GLUL: variants seen among roughly 807,000 people sequenced by gnomAD.
GLUL encodes the protein glutamine synthetase.
In GLUL, 8 loss-of-function variants were observed where a neutral mutation model predicts 36.9. That is an observed-to-expected ratio of 0.22 (90% CI 0.13 to 0.39). The LOEUF (loss-of-function observed/expected upper bound fraction) is 0.39, where lower values mean the gene tolerates loss of function less well. Among genes scored for constraint, GLUL ranks in the 10% least tolerant of loss-of-function variants. GLUL has a pLI of 1.00. For missense variants in GLUL, 315 were observed against 501.8 expected (o/e 0.63, Z 3.56); for synonymous variants, 182 against 172.8 (o/e 1.05, Z -0.42).
Position 182,384,510 on chromosome 1 carries a change from A to G in GLUL, c.1017T>C (p.Asp339=), listed in dbSNP as rs1439998913. ...GGTCGCAGTTGGCAGAGGGGCGACG[A>G]TCTTCAAAGTAACCCTTCTTCTCCT... is the stretch of plus-strand genomic sequence containing the variant. ...VGQEKKGYFE[D]RRPSANCDPF... The change falls in exon 7 of 7, where the codon GAT becomes GAC. Residue 339 remains aspartate, a synonymous_variant. Transcript: ENST00000331872. 1.2e-6 allele frequency: 2 copies of G among 1,614,048 alleles called. No homozygotes were observed. Among genetic ancestry groups the G allele is most frequent in the East Asian group, 2.2e-5 (1 of 44,880 alleles).
At chr1:182,386,932 C>T (rs1466574817) in intron 3 of GLUL, 199 bp downstream of exon 3, 1 of 632,634 alleles carries the variant, frequency 1.6e-6, no homozygotes, top group African/African-American at 1.8e-5. Flanking sequence ...TTTTATGCAA[C>T]CAACAGAGAA....
Position 182,380,305 on chromosome 1 carries a change from TTTTG to T in GLUL, c.*4096_*4099del, listed in dbSNP as rs71573267. On this transcript the variant is annotated 3_prime_UTR_variant, in exon 7 of 7. Coordinates refer to ENST00000331872, the MANE Select transcript of GLUL (RefSeq NM_001033044.4). ...AACATTTTCAATTTGTTTTTTGGGGTTTTGTTTGTTTTGTTTTGTTTAGGCAAGG... is the reference window on the plus strand; with the variant it reads ...AACATTTTCAATTTGTTTTTTGGGGTTTTGTTTTGTTTTGTTTAGGCAAGG... Among the ~76,000 whole-genome samples, 1,954 of 152,180 alleles carry T rather than the reference TTTTG, an allele frequency of 0.013. 9 individuals are homozygous for T. The highest frequency in any genetic ancestry group is 0.018 in the Non-Finnish European group (1,222 of 68,004).
At chr1:182,386,948 TAG>T (rs1284645929) in intron 3 of GLUL, 181 bp downstream of exon 3, 15 of 664,524 alleles carry the variant, frequency 2.3e-5, no homozygotes, top group Non-Finnish European at 3.6e-5. Flanking sequence ...GAGAAGACCA[TAG>T]AAAGATGGGC....
At chr1:182,390,981 T>A in intron 1 of GLUL, 1 of 397,178 alleles carries the variant, frequency 2.5e-6, no homozygotes, top group Non-Finnish European at 4.4e-6. Context: ...GAGGTGGCCA[T>A]ACCCTGCCGC....
In GLUL at chr1:182,384,818, C is replaced by T; in HGVS notation, c.804-95G>A. ...AAATATGATACCAGTAGAACAAATA[C>T]TTCATGAGGGCAGTGGCTGCATCTT... On this transcript the variant is annotated intron_variant, in intron 6 of 6. Coordinates refer to ENST00000331872, the MANE Select transcript of GLUL (RefSeq NM_001033044.4). 5.6e-6 allele frequency: 5 copies of T among 892,704 alleles called. No individual in the cohort carries two copies. In the South Asian group the frequency reaches 6.6e-5, roughly 12 times the overall value. 55.3% of individuals were successfully genotyped at this position (892,704 alleles called of 1,614,324 possible). A position where few individuals can be genotyped will look rare whatever the true frequency, so the allele number is the denominator to read the frequency against.
At position 182,387,126 on chromosome 1, in the gene GLUL, C is replaced by T; in HGVS notation, c.328+5G>A. ...AGGGGTATCCATAGCTGTGCTATAA[C>T]ACACCTGCAGGCCTTCGATTGTACT... On this transcript the variant is annotated splice_donor_5th_base_variant and intron_variant, in intron 3 of 6. Coordinates refer to ENST00000331872, the MANE Select transcript of GLUL (RefSeq NM_001033044.4). 6.2e-7 allele frequency: 1 copy of T among 1,610,578 alleles called. No individual in the cohort carries two copies. The highest frequency in any genetic ancestry group is 8.5e-7 in the Non-Finnish European group (1 of 1,176,908).
chr1:182,390,737 T>C (rs1451222413), intron 1 of GLUL: 1 of 398,902 alleles, frequency 2.5e-6, no homozygotes, highest in East Asian at 3.6e-5. Flanking sequence ...GTTCACAGAG[T>C]AGGCGACGAA....
chr1:182,386,435 G>A (rs759540282), intron 3 of GLUL, 33 bp from the exon 4 acceptor site: 2 of 1,517,704 alleles, frequency 1.3e-6, no homozygotes, highest in Non-Finnish European at 1.8e-6. Context: ...CGCCATCAGG[G>A]ATCTAAAGAC....
chr1:182,391,150 AG>A, intron 1 of GLUL: 1 of 398,522 alleles, frequency 2.5e-6, no homozygotes, highest in South Asian at 1.3e-4. Flanking sequence ...CCGAGGCGGG[AG>A]CCGGCCGCCC....
chr1:182,380,238 G>A lies in GLUL; in HGVS notation c.*4167C>T, dbSNP rs1427255117. Among the ~76,000 whole-genome samples the A allele has an allele frequency of 2.0e-5, 3 of 152,184 alleles. No homozygotes were observed. The highest frequency in any genetic ancestry group is 4.4e-5 in the Non-Finnish European group (3 of 68,022). On this transcript the variant is annotated 3_prime_UTR_variant, in exon 7 of 7. Transcript: ENST00000331872. ...ACTATTTTCCACAGTACACTCCCAC[G>A]AAGTTTTTAGTGCTGCCATAATGTT... is the stretch of plus-strand genomic sequence containing the variant.
At chr1:182,391,037 G>A in intron 1 of GLUL, 1 of 397,306 alleles carries the variant, frequency 2.5e-6, no homozygotes. Context: ...CAGGCCGTAG[G>A]GACTGCGCGC....
chr1:182,385,778 G>C lies in GLUL; in HGVS notation c.585C>G (p.Ala195=). The change falls in exon 5 of 7, where the codon GCC becomes GCG. Residue 195 remains alanine, a synonymous_variant. Transcript: ENST00000331872. ...YAGVKIAGTN[A]EVMPAQWEFQ... ...TACTTACCTGGGCAGGCATGACCTC[G>C]GCATTAGTCCCCGCAATCTTGACTC... 2.5e-6 allele frequency: 4 copies of C among 1,614,120 alleles called. No individual in the cohort carries two copies. Among genetic ancestry groups the C allele is most frequent in the Non-Finnish European group, 3.4e-6 (4 of 1,180,010 alleles).
At chr1:182,386,106 A>AT in intron 4 of GLUL, 150 bp downstream of exon 4, 1 of 915,286 alleles carries the variant, frequency 1.1e-6, no homozygotes, top group Non-Finnish European at 1.8e-6. Flanking sequence ...ATTCATATCC[A>AT]TTTTTGGACT....
chr1:182,385,253 T>C (rs1489860786), intron 6 of GLUL, 104 bp downstream of exon 6: 2 of 888,974 alleles, frequency 2.2e-6, no homozygotes, highest in Non-Finnish European at 3.8e-6. Context: ...TGGCAAATAT[T>C]TGCAAGTCAT....
intron 1 of GLUL, chr1:182,391,006 G>A (rs1028249768): frequency 5.0e-5 from 20 of 396,812 alleles, no homozygotes; most frequent in Non-Finnish European, 6.2e-5. Context: ...GGGTTGGGGG[G>A]TCCGGGGGAG....
In GLUL at chr1:182,383,252, A is replaced by T. The variant is rs887075015; in HGVS notation, c.*1153T>A. ...ACAAGCAATTCTGTAAAAATTACCTAGAAACCCTACAAATTTGATTAAAAT... is the reference window on the plus strand; with the variant it reads ...ACAAGCAATTCTGTAAAAATTACCTTGAAACCCTACAAATTTGATTAAAAT... On this transcript the variant is annotated 3_prime_UTR_variant, in exon 7 of 7. Coordinates refer to ENST00000331872, the MANE Select transcript of GLUL (RefSeq NM_001033044.4). 1 of 152,208 alleles carries T rather than the reference A, an allele frequency of 6.6e-6. No individual in the cohort carries two copies. The highest frequency in any genetic ancestry group is 1.5e-5 in the Non-Finnish European group (1 of 68,042). The allele number at this position is 152,208 out of a possible 1,614,324, so 9.4% of individuals were successfully genotyped here. A position where few individuals can be genotyped will look rare whatever the true frequency, so the allele number is the denominator to read the frequency against.
Position 182,384,632 on chromosome 1 carries a change from G to A in GLUL, c.895C>T (p.Arg299Cys). 2 of 1,614,094 alleles carry A rather than the reference G, an allele frequency of 1.2e-6. No individual in the cohort carries two copies. The highest frequency in any genetic ancestry group is 1.7e-6 in the Non-Finnish European group (2 of 1,179,956). The change falls in exon 7 of 7, where the codon CGT (arginine) becomes TGT (cysteine). Residue 299 changes from arginine (R) to cysteine (C), a missense_variant. Arg to Cys is a radical substitution (Grantham distance 180). Coordinates refer to ENST00000331872, the MANE Select transcript of GLUL (RefSeq NM_001033044.4). Reference protein sequence around the residue: ...DPKGGLDNARRLTGFHETSNI... With the variant: ...DPKGGLDNARCLTGFHETSNI... ...GAGGTTTCATGGAATCCAGTTAGAC[G>A]TCGGGCATTGTCCAGGCCTCCCTTG... is the stretch of plus-strand genomic sequence containing the variant.
chr1:182,378,852 A>T lies in GLUL; in HGVS notation c.*5553T>A, dbSNP rs542220186. Among the ~76,000 whole-genome samples, 1 of 152,256 alleles carries T rather than the reference A, an allele frequency of 6.6e-6. No individual in the cohort carries two copies. The highest frequency in any genetic ancestry group is 2.1e-4 in the South Asian group (1 of 4,822). On this transcript the variant is annotated 3_prime_UTR_variant, in exon 7 of 7. Transcript: ENST00000331872. ...GAGTGCAATGGTGCAAGCTTGGCTC[A>T]CTGCAACCTCCGGCTCTTGGGCTCA... is the stretch of plus-strand genomic sequence containing the variant.
chr1:182,382,938 CAGTT>C lies in GLUL; in HGVS notation c.*1463_*1466del, dbSNP rs1407046211. ...ATAAGTGCTGCTTTGGGCAGTTACA[CAGTT>C]TGTTTACAATGAGGAGTTATTTGAC... On this transcript the variant is annotated 3_prime_UTR_variant, in exon 7 of 7. Coordinates refer to ENST00000331872, the MANE Select transcript of GLUL (RefSeq NM_001033044.4). 6.6e-6 allele frequency: 1 copy of C among 151,984 alleles called. No homozygotes were observed. Among genetic ancestry groups the C allele is most frequent in the African/African-American group, 2.4e-5 (1 of 41,266 alleles). 9.4% of individuals were successfully genotyped at this position (151,984 alleles called of 1,614,324 possible). A position where few individuals can be genotyped will look rare whatever the true frequency, so the allele number is the denominator to read the frequency against.
Sources: allele counts gnomAD v4.1 joint callset (sites outside exome capture counted in the v4.1 genomes callset), GRCh38; gene constraint gnomAD v4.1.1; transcripts MANE v1.5; gene names NCBI Gene and HGNC (gene_info 2026-07-23, HGNC 2026-07-21).